NAA11: variants seen among roughly 807,000 people sequenced by gnomAD.
The protein encoded by NAA11 is N-alpha-acetyltransferase 11.
NAA11 carries 15 observed loss-of-function variants against 16.1 expected under a neutral mutation model. The observed-to-expected ratio is 0.93, with a 90% CI of 0.62 to 1.44. NAA11 has a LOEUF of 1.44. NAA11 is among the 40% of genes most tolerant of loss of function. NAA11 has a pLI of 0.00. For missense variants in NAA11, 298 were observed against 291.3 expected (o/e 1.02, Z -0.17); for synonymous variants, 122 against 112.4 (o/e 1.09, Z -0.54).
intron 2 of NAA11, among the ~76,000 whole-genome samples, chr4:79,261,177 GTTA>G (rs940234761): frequency 5.3e-5 from 8 of 152,146 alleles, no homozygotes; most frequent in African/African-American, 1.7e-4. Context: ...GAATAGCCTA[GTTA>G]TTATTATTTT....
chr4:79,176,427 T>C, the NAA11 span, among the ~76,000 whole-genome samples: 1 of 152,096 alleles, frequency 6.6e-6, no homozygotes, highest in Non-Finnish European at 1.5e-5. Context: ...ATCCAAAATC[T>C]GATGGGCGAG....
intron 2 of NAA11, among the ~76,000 whole-genome samples, chr4:79,285,790 T>C (rs1722894399): frequency 6.6e-6 from 1 of 152,060 alleles, no homozygotes; most frequent in Admixed American, 6.6e-5. Context: ...CTCATGACTA[T>C]AGCAAATTAG....
intron 2 of NAA11, among the ~76,000 whole-genome samples, chr4:79,230,542 A>G (rs1056518792): frequency 6.6e-5 from 10 of 152,012 alleles, no homozygotes; most frequent in Non-Finnish European, 1.2e-4. Context: ...ACATAAATGC[A>G]TAAGTACTAT....
At chr4:79,266,617 ACT>A (rs1420493542) in intron 2 of NAA11, among the ~76,000 whole-genome samples, 2 of 152,166 alleles carry the variant, frequency 1.3e-5, no homozygotes, top group Non-Finnish European at 2.9e-5. Flanking sequence ...ACGGTTTTGC[ACT>A]CTCCAACACA....
intron 2 of NAA11, among the ~76,000 whole-genome samples, chr4:79,289,044 A>G (rs1723017222): frequency 1.3e-5 from 2 of 152,234 alleles, no homozygotes; most frequent in Admixed American, 1.3e-4. Flanking sequence ...GTCAAGGGAC[A>G]TACAAATGGT....
At chr4:79,203,242 G>A in the NAA11 span, among the ~76,000 whole-genome samples, 2,408 of 151,550 alleles carry the variant, frequency 0.016, 33 homozygotes, top group Admixed American at 0.025. Flanking sequence ...ATGAAATTTT[G>A]ACTCCATTAA....
the NAA11 span, among the ~76,000 whole-genome samples, chr4:79,209,582 C>T: frequency 6.6e-6 from 1 of 151,970 alleles, no homozygotes; most frequent in Non-Finnish European, 1.5e-5. Context: ...AAGTAAGCCA[C>T]TATTGTCCTG....
chr4:79,311,498 A>T (rs1431699026), intron 1 of NAA11, among the ~76,000 whole-genome samples: 1 of 152,136 alleles, frequency 6.6e-6, no homozygotes, highest in East Asian at 1.9e-4. Context: ...GATTTCTATC[A>T]TCTGCTGACA....
At chr4:79,243,794 AGGAAAGTTAACTT>A (rs1721745840) in intron 2 of NAA11, among the ~76,000 whole-genome samples, 2 of 152,234 alleles carry the variant, frequency 1.3e-5, no homozygotes, top group African/African-American at 4.8e-5. Context: ...CAGGAAAGAA[AGGAAAGTTAACTT>A]GGAAGAGATA....
chr4:79,302,614 T>C (rs1723425506), intron 1 of NAA11, among the ~76,000 whole-genome samples: 1 of 152,232 alleles, frequency 6.6e-6, no homozygotes. Context: ...ATTTGCATTA[T>C]ATTTGTATAT....
chr4:79,238,131 A>C (rs969244401), intron 2 of NAA11, among the ~76,000 whole-genome samples: 3 of 152,176 alleles, frequency 2.0e-5, no homozygotes, highest in African/African-American at 4.8e-5. Context: ...GGCCAAAAGA[A>C]GCAGAATTTT....
At chr4:79,219,730 A>G in the NAA11 span, among the ~76,000 whole-genome samples, 1 of 152,164 alleles carries the variant, frequency 6.6e-6, no homozygotes, top group Non-Finnish European at 1.5e-5. Flanking sequence ...ATTTATATGT[A>G]TATATACATT....
rs114164488 is a variant in NAA11, at chr4:79,238,146, T to C, written c.*123-11876A>G. On this transcript the variant is annotated intron_variant and NMD_transcript_variant, in intron 2 of 2. Coordinates refer to the NAA11 transcript ENST00000511542. ...GGCCAAAAGAAGCAGAATTTTAGCA[T>C]TGTCTTTAGCTATTCAATAAATGCC... 5.0e-3 allele frequency among the ~76,000 whole-genome samples: 763 copies of C among 152,306 alleles called. 4 individuals are homozygous for C. Among genetic ancestry groups the C allele is most frequent in the African/African-American group, 0.018 (731 of 41,576 alleles).
the NAA11 span, among the ~76,000 whole-genome samples, chr4:79,176,477 G>C: frequency 3.3e-5 from 5 of 152,094 alleles, no homozygotes; most frequent in East Asian, 9.6e-4. Flanking sequence ...TGCAGTTTGC[G>C]TCTGAAGACA....
intron 2 of NAA11, among the ~76,000 whole-genome samples, chr4:79,274,105 T>C (rs1240551358): frequency 6.6e-6 from 1 of 152,086 alleles, no homozygotes; most frequent in African/African-American, 2.4e-5. Flanking sequence ...ATCTTAATAG[T>C]CTGGAGCTCT....
intron 2 of NAA11, among the ~76,000 whole-genome samples, chr4:79,267,126 TC>T (rs1661182335): frequency 6.6e-6 from 1 of 152,218 alleles, no homozygotes; most frequent in Non-Finnish European, 1.5e-5. Context: ...TACACCTATT[TC>T]ATAACCTTCT....
At chr4:79,163,496 G>C in the NAA11 span, among the ~76,000 whole-genome samples, 1 of 152,160 alleles carries the variant, frequency 6.6e-6, no homozygotes, top group African/African-American at 2.4e-5. Context: ...CAATTTCTTA[G>C]CCTGTCACTG....
At chr4:79,258,735 G>T (rs1461958033) in intron 2 of NAA11, 2 of 152,350 alleles carry the variant, frequency 1.3e-5, no homozygotes, top group Non-Finnish European at 2.9e-5. Context: ...TGGGGGCCAG[G>T]CTGCCAGTCC....
At chr4:79,215,875 A>G in the NAA11 span, among the ~76,000 whole-genome samples, 2 of 152,206 alleles carry the variant, frequency 1.3e-5, no homozygotes, top group African/African-American at 4.8e-5. Flanking sequence ...CTGGCAAAGA[A>G]TGAGTATTAT....
Sources: gnomAD v4.1 joint callset for allele counts (sites outside exome capture counted in the v4.1 genomes callset) on GRCh38, gnomAD v4.1.1 for gene constraint, MANE v1.5 for transcripts, NCBI Gene and HGNC (gene_info 2026-07-23, HGNC 2026-07-21) for gene names.